Variants in NT5DC1 observed in about 807,000 individuals in gnomAD.
NT5DC1 encodes 5'-nucleotidase domain-containing protein 1.
Under a neutral mutation model 59.4 loss-of-function variants are expected in NT5DC1, and 42 were observed. That is an observed-to-expected ratio of 0.71 (90% CI 0.55 to 0.92). NT5DC1 has a LOEUF of 0.92. NT5DC1 is among the 40% of genes least tolerant of loss of function. The pLI is 0.00. For synonymous variants in NT5DC1, 172 were observed against 188.1 expected, an observed-to-expected ratio of 0.91 and a Z score of 0.70; for missense variants, 501 against 537.1, an observed-to-expected ratio of 0.93 and a Z score of 0.66.
intron 6 of NT5DC1, among the ~76,000 whole-genome samples, chr6:116,158,084 C>A (rs1780241376): frequency 6.6e-6 from 1 of 152,176 alleles, no homozygotes; most frequent in Non-Finnish European, 1.5e-5. Context: ...AAGTCAATTT[C>A]TCTGAACTAC....
At chr6:116,211,104 A>G (rs948647874) in intron 6 of NT5DC1, among the ~76,000 whole-genome samples, 2 of 152,050 alleles carry the variant, frequency 1.3e-5, no homozygotes, top group East Asian at 1.9e-4. Context: ...GGGGAAACCC[A>G]CCGCCACTTA....
At chr6:116,103,865 G>A (rs1210811297) in intron 1 of NT5DC1, among the ~76,000 whole-genome samples, 1 of 152,026 alleles carries the variant, frequency 6.6e-6, no homozygotes, top group African/African-American at 2.4e-5. Flanking sequence ...GTGGGAGAGT[G>A]GGGTCCCAAA....
chr6:116,105,476 A>T (rs1296816171), intron 1 of NT5DC1, among the ~76,000 whole-genome samples: 1 of 152,198 alleles, frequency 6.6e-6, no homozygotes. Context: ...CTCAGGCTCA[A>T]GTTTACCCAA....
At position 116,121,615 on chromosome 6, in the gene NT5DC1, TG is replaced by T. The variant is rs764985555; in HGVS notation, c.529+3674del. 6.2e-7 allele frequency: 1 copy of T among 1,613,978 alleles called. No individual in the cohort carries two copies. On this transcript the variant is annotated intron_variant, in intron 6 of 11. Transcript: ENST00000319550. ...TTTCTCCAGGAAAGCCCCTGGGTCC[TG>T]GGGCTCCTGTGGGTCCCTGTTGTCC...
intron 6 of NT5DC1, among the ~76,000 whole-genome samples, chr6:116,210,926 T>C (rs1232354587): frequency 6.6e-6 from 1 of 152,044 alleles, no homozygotes; most frequent in Non-Finnish European, 1.5e-5. Flanking sequence ...AAGATAGCTC[T>C]CTAATGAATC....
Position 116,152,523 on chromosome 6 carries a change from G to A in NT5DC1, c.529+34578G>A, listed in dbSNP as rs1052542887. 1.6e-4 allele frequency among the ~76,000 whole-genome samples: 25 copies of A among 152,200 alleles called. 1 individual carries two copies. In the South Asian group the frequency reaches 2.9e-3, roughly 18 times the overall value. ...AGAATGAGGCACGATGGGGTCTCCAGGGCAGTCTGACTCCTGTGTACTGGA... is the reference window on the plus strand; with the variant it reads ...AGAATGAGGCACGATGGGGTCTCCAAGGCAGTCTGACTCCTGTGTACTGGA... On this transcript the variant is annotated intron_variant, in intron 6 of 11. Coordinates refer to ENST00000319550, the MANE Select transcript of NT5DC1 (RefSeq NM_152729.3).
chr6:116,209,613 T>TCTGCTG (rs1267229368), intron 6 of NT5DC1, among the ~76,000 whole-genome samples: 1 of 151,874 alleles, frequency 6.6e-6, no homozygotes, highest in Non-Finnish European at 1.5e-5. Context: ...CTTCCAAGGT[T>TCTGCTG]CACCAGGCAG....
At chr6:116,133,306 C>A (rs6915121) in intron 6 of NT5DC1, among the ~76,000 whole-genome samples, 140 of 152,268 alleles carry the variant, frequency 9.2e-4, no homozygotes, top group African/African-American at 3.3e-3. Flanking sequence ...ACAACTTCAG[C>A]TTTCACATGC....
chr6:116,204,256 C>T (rs1781402424), intron 6 of NT5DC1, among the ~76,000 whole-genome samples: 1 of 151,890 alleles, frequency 6.6e-6, no homozygotes, highest in African/African-American at 2.4e-5. Flanking sequence ...ATAAATAGCC[C>T]TCAATTTACT....
chr6:116,200,780 A>G (rs1349086310), intron 6 of NT5DC1, among the ~76,000 whole-genome samples: 1 of 151,992 alleles, frequency 6.6e-6, no homozygotes, highest in Admixed American at 6.6e-5. Context: ...TCCCAGCTAA[A>G]GAAACTGAAG....
intron 4 of NT5DC1, 148 bp downstream of exon 4, chr6:116,111,104 T>C: frequency 4.9e-6 from 3 of 611,848 alleles, no homozygotes; most frequent in Admixed American, 2.9e-5. Context: ...ATAGGATGTA[T>C]TTTTTCCAAG....
At chr6:116,151,262 G>A (rs1315637580) in intron 6 of NT5DC1, among the ~76,000 whole-genome samples, 1 of 152,158 alleles carries the variant, frequency 6.6e-6, no homozygotes, top group African/African-American at 2.4e-5. Flanking sequence ...ATCAGAATAT[G>A]TGGGCCTGTG....
chr6:116,184,290 G>T (rs1454523284), intron 6 of NT5DC1, among the ~76,000 whole-genome samples: 1 of 152,034 alleles, frequency 6.6e-6, no homozygotes, highest in Non-Finnish European at 1.5e-5. Context: ...CATGCTGTTG[G>T]ATTCAGTTAG....
At chr6:116,207,993 C>A (rs111747523) in intron 6 of NT5DC1, among the ~76,000 whole-genome samples, 4 of 152,016 alleles carry the variant, frequency 2.6e-5, no homozygotes, top group African/African-American at 9.6e-5. Context: ...AGAAGAAAAA[C>A]CAGGTTAGAA....
At chr6:116,157,040 C>T (rs999147000) in intron 6 of NT5DC1, among the ~76,000 whole-genome samples, 1 of 152,152 alleles carries the variant, frequency 6.6e-6, no homozygotes, top group Admixed American at 6.5e-5. Context: ...CTTCATAGCA[C>T]TGCCTCCCTT....
intron 6 of NT5DC1, among the ~76,000 whole-genome samples, chr6:116,139,535 G>A (rs1447002425): frequency 6.6e-6 from 1 of 152,022 alleles, no homozygotes; most frequent in African/African-American, 2.4e-5. Flanking sequence ...CATTTAAAAT[G>A]CATTTTACTT....
intron 6 of NT5DC1, 57 bp from the exon 7 acceptor site, chr6:116,220,997 A>G (rs1781787370): frequency 1.2e-6 from 1 of 810,662 alleles, no homozygotes; most frequent in Admixed American, 2.3e-5. Flanking sequence ...GTTAGAGAAT[A>G]TATTTAGTCA....
At chr6:116,226,701 T>G (rs116533828) in intron 8 of NT5DC1, among the ~76,000 whole-genome samples, 287 of 152,202 alleles carry the variant, frequency 1.9e-3, no homozygotes, top group African/African-American at 6.5e-3. Flanking sequence ...ATTGAATTTA[T>G]GGTATGGAAA....
rs182846795 is a variant in NT5DC1 at position 116,219,477 on chromosome 6, T to C, written c.530-1577T>C. On this transcript the variant is annotated intron_variant, in intron 6 of 11. Coordinates refer to ENST00000319550, the MANE Select transcript of NT5DC1 (RefSeq NM_152729.3). ...TTCAATGACAGGAGGAGGGAATAACTGTGATAGGTGTAGACTGATAGAGAC... is the reference window on the plus strand; with the variant it reads ...TTCAATGACAGGAGGAGGGAATAACCGTGATAGGTGTAGACTGATAGAGAC... 3.3e-3 allele frequency among the ~76,000 whole-genome samples: 501 copies of C among 152,242 alleles called. 15 individuals carry two copies. The South Asian group carries it at 0.046, about 14-fold the overall frequency.
Sources: allele counts gnomAD v4.1 joint callset (sites outside exome capture counted in the v4.1 genomes callset), GRCh38; gene constraint gnomAD v4.1.1; transcripts MANE v1.5; gene names NCBI Gene and HGNC (gene_info 2026-07-23, HGNC 2026-07-21).